The following CHD1 variants were observed in gnomAD, a reference collection of about 807,000 sequenced individuals.
The protein encoded by CHD1 is ATP-dependent chromatin remodeler CHD1.
CHD1 carries 36 observed loss-of-function variants against 224.2 expected under a neutral mutation model. That is an observed-to-expected ratio of 0.16 (90% CI 0.12 to 0.21). The LOEUF (loss-of-function observed/expected upper bound fraction) is 0.21, where lower values mean the gene tolerates loss of function less well. CHD1 is among the 10% of genes least tolerant of loss of function. The pLI, the probability that CHD1 is intolerant of heterozygous loss-of-function variation, is 1.00. For missense variants in CHD1, 1,378 were observed against 1,994.8 expected, an observed-to-expected ratio of 0.69 and a Z score of 5.89; for synonymous variants, 668 against 658.3, an observed-to-expected ratio of 1.01 and a Z score of -0.23.
chr5:98,928,486 C>G (rs1294636268), intron 1 of CHD1, 53 bp downstream of exon 1: 1 of 152,786 alleles, frequency 6.5e-6, no homozygotes, highest in Non-Finnish European at 1.5e-5. Context: ...TCCGCCCGGC[C>G]GGTTCCTGTC....
chr5:98,909,166 T>C (rs1752231712), intron 2 of CHD1, among the ~76,000 whole-genome samples: 1 of 152,296 alleles, frequency 6.6e-6, no homozygotes, highest in Non-Finnish European at 1.5e-5. Flanking sequence ...TTAAATTAAG[T>C]ACACTGAATA....
intron 1 of CHD1, among the ~76,000 whole-genome samples, chr5:98,927,676 C>T (rs1458197311): frequency 1.3e-5 from 2 of 152,180 alleles, no homozygotes; most frequent in African/African-American, 2.4e-5. Flanking sequence ...ACAATTAAGT[C>T]TTAAAAAATC....
At chr5:98,892,305 T>TC (rs962403888) in intron 15 of CHD1, among the ~76,000 whole-genome samples, 4 of 152,198 alleles carry the variant, frequency 2.6e-5, no homozygotes, top group Admixed American at 6.5e-5. Flanking sequence ...TAATTATGTG[T>TC]CAGAAGATGA....
chr5:98,880,489 C>G (rs545804346), intron 22 of CHD1, among the ~76,000 whole-genome samples: 1 of 152,258 alleles, frequency 6.6e-6, no homozygotes, highest in East Asian at 1.9e-4. Context: ...ATGAATTGAT[C>G]TTTAAAAACC....
chr5:98,893,992 T>G (rs1012575859), intron 13 of CHD1, among the ~76,000 whole-genome samples: 7 of 152,180 alleles, frequency 4.6e-5, no homozygotes, highest in African/African-American at 1.7e-4. Flanking sequence ...ATTCCAAGTG[T>G]AGGTACAATT....
intron 20 of CHD1, 109 bp from the exon 21 acceptor site, chr5:98,881,484 G>T: frequency 3.6e-6 from 2 of 550,036 alleles, no homozygotes; most frequent in Non-Finnish European, 6.3e-6. Context: ...GTTACATGAA[G>T]AAGTTAGACA....
chr5:98,890,214 T>G (rs1750924708), intron 15 of CHD1, among the ~76,000 whole-genome samples: 1 of 152,192 alleles, frequency 6.6e-6, no homozygotes. Flanking sequence ...CACCATGACC[T>G]TTTCCACCTT....
chr5:98,856,332 G>T lies in CHD1; in HGVS notation c.*48C>A. ...TAAGGCAATTACTGTGTTGGTTTAT[G>T]ATATATGGCTAAAAGAAAAGTCCAG... On this transcript the variant is annotated 3_prime_UTR_variant, in exon 36 of 36. Coordinates refer to ENST00000614616, the MANE Select transcript of CHD1 (RefSeq NM_001270.4). 1 of 1,395,304 alleles carries T rather than the reference G, an allele frequency of 7.2e-7. No homozygotes were observed. The highest frequency in any genetic ancestry group is 1.0e-6 in the Non-Finnish European group (1 of 992,492). The allele number at this position is 1,395,304 out of a possible 1,614,324, so 86.4% of individuals were successfully genotyped here. A position where few individuals can be genotyped will look rare whatever the true frequency, so the allele number is the denominator to read the frequency against.
rs1753657124 is a variant in CHD1, at chr5:98,928,543, G to A, written c.-153C>T. On this transcript the variant is annotated 5_prime_UTR_variant, in exon 1 of 36. Coordinates refer to ENST00000614616, the MANE Select transcript of CHD1 (RefSeq NM_001270.4). ...GCCCGCCGCCCCCTTTCTTACCGGC[G>A]GGCTTGGCGGGGCGGAGGGAGCCGA... 1 of 151,930 alleles carries A rather than the reference G, an allele frequency of 6.6e-6. No individual in the cohort carries two copies. The highest frequency in any genetic ancestry group is 1.5e-5 in the Non-Finnish European group (1 of 67,940). 9.4% of individuals were successfully genotyped at this position (151,930 alleles called of 1,614,324 possible).
chr5:98,863,615 C>T, intron 31 of CHD1, 29 bp from the exon 32 acceptor site: 1 of 1,534,166 alleles, frequency 6.5e-7, no homozygotes, highest in South Asian at 1.2e-5. Context: ...AGAATATAAA[C>T]ACATGTATTA....
At chr5:98,859,125 T>C (rs1748273677) in intron 33 of CHD1, 110 bp from the exon 34 acceptor site, 2 of 777,672 alleles carry the variant, frequency 2.6e-6, no homozygotes, top group African/African-American at 1.9e-5. Context: ...CACAAGATAT[T>C]AGAATGTTTA....
chr5:98,877,284 T>C (rs1749833015), intron 23 of CHD1, among the ~76,000 whole-genome samples: 2 of 152,236 alleles, frequency 1.3e-5, no homozygotes, highest in Admixed American at 1.3e-4. Context: ...TTAACATTCA[T>C]GACATACTGT....
At chr5:98,905,902 T>G (rs749467038) in intron 2 of CHD1, among the ~76,000 whole-genome samples, 5 of 152,188 alleles carry the variant, frequency 3.3e-5, no homozygotes, top group Non-Finnish European at 7.4e-5. Flanking sequence ...GTTTATATGT[T>G]GAAAACTAGG....
At chr5:98,884,495 T>C (rs1750501092) in intron 18 of CHD1, among the ~76,000 whole-genome samples, 1 of 150,598 alleles carries the variant, frequency 6.6e-6, no homozygotes, top group South Asian at 2.1e-4. Context: ...CAAAGGACTC[T>C]GGGGACTCAG....
chr5:98,879,815 CT>C, intron 22 of CHD1, 87 bp from the exon 23 acceptor site: 1 of 771,294 alleles, frequency 1.3e-6, no homozygotes, highest in Admixed American at 2.8e-5. Flanking sequence ...TGGCATGCTC[CT>C]TAGGATAATG....
Position 98,908,600 on chromosome 5 carries a change from T to C in CHD1, c.54-3502A>G, listed in dbSNP as rs1752197443. Among the ~76,000 whole-genome samples the C allele has an allele frequency of 5.3e-5, 8 of 152,120 alleles. No individual in the cohort carries two copies. In the South Asian group the frequency reaches 1.7e-3, roughly 31 times the overall value. On this transcript the variant is annotated intron_variant, in intron 2 of 35. Coordinates refer to ENST00000614616, the MANE Select transcript of CHD1 (RefSeq NM_001270.4). Reference sequence around the variant, plus strand: ...CATATTTTATGTAAAACTCACAAATTTGGCTATTAAATCTCTGATCTCCAA... The same window carrying C: ...CATATTTTATGTAAAACTCACAAATCTGGCTATTAAATCTCTGATCTCCAA...
At chr5:98,870,839 T>A (rs1347228993) in intron 28 of CHD1, 36 bp from the exon 29 acceptor site, 2 of 1,312,488 alleles carry the variant, frequency 1.5e-6, no homozygotes, top group South Asian at 1.2e-5. Flanking sequence ...ATTGTCTTAA[T>A]AAATAACATG....
chr5:98,922,545 T>C (rs1391959153), intron 2 of CHD1, among the ~76,000 whole-genome samples: 1 of 152,220 alleles, frequency 6.6e-6, no homozygotes, highest in East Asian at 1.9e-4. Context: ...TTCTTAATTC[T>C]ATTCCGTTTA....
chr5:98,920,796 CA>C (rs1232499151), intron 2 of CHD1, among the ~76,000 whole-genome samples: 1,884 of 82,204 alleles, frequency 0.023, 30 homozygotes, highest in African/African-American at 0.066. Flanking sequence ...GACGCCGTCT[CA>C]AAAAAAAAAA....
Sources: gnomAD v4.1 joint callset for allele counts (sites outside exome capture counted in the v4.1 genomes callset) on GRCh38, gnomAD v4.1.1 for gene constraint, MANE v1.5 for transcripts, NCBI Gene and HGNC (gene_info 2026-07-23, HGNC 2026-07-21) for gene names.